NXPE2: variants seen among roughly 807,000 people sequenced by gnomAD.
The protein encoded by NXPE2 is neurexophilin and PC-esterase domain family member 2, also known as NXPE family member 2.
NXPE2 carries 34 observed loss-of-function variants against 34.4 expected under a neutral mutation model. That is an observed-to-expected ratio of 0.99 (90% confidence interval 0.75 to 1.31). NXPE2 has a LOEUF of 1.31. NXPE2 is among the 40% of genes most tolerant of loss of function. The pLI is 0.00. For missense variants in NXPE2, 649 were observed against 672.5 expected, an observed-to-expected ratio of 0.97 and a Z score of 0.39; for synonymous variants, 235 against 231.3, an observed-to-expected ratio of 1.02 and a Z score of -0.15.
chr11:114,770,131 G>A, the NXPE2 span, among the ~76,000 whole-genome samples: 2 of 152,112 alleles, frequency 1.3e-5, no homozygotes, highest in Non-Finnish European at 2.9e-5. Flanking sequence ...ATCTTTCCTT[G>A]GCCAAACTAA....
At chr11:114,726,528 T>A in the NXPE2 span, among the ~76,000 whole-genome samples, 1 of 152,090 alleles carries the variant, frequency 6.6e-6, no homozygotes, top group African/African-American at 2.4e-5. Flanking sequence ...CCTTACTAAG[T>A]GCTCAGTCTG....
chr11:114,701,592 G>A (rs1166642977), intron 3 of NXPE2, among the ~76,000 whole-genome samples: 1 of 152,150 alleles, frequency 6.6e-6, no homozygotes, highest in Admixed American at 6.5e-5. Context: ...GTGATGTAGT[G>A]CATGTGCAAG....
At chr11:114,621,490 T>C in the NXPE2 span, among the ~76,000 whole-genome samples, 3 of 152,326 alleles carry the variant, frequency 2.0e-5, no homozygotes, top group African/African-American at 4.8e-5. Context: ...TAACCTCTAT[T>C]ACTCATTGGA....
the NXPE2 span, among the ~76,000 whole-genome samples, chr11:114,613,719 TAA>T: frequency 6.6e-6 from 1 of 152,042 alleles, no homozygotes; most frequent in East Asian, 1.9e-4. Context: ...CAGCAGGTAA[TAA>T]GTGTTGTCTC....
the NXPE2 span, among the ~76,000 whole-genome samples, chr11:114,542,323 T>C: frequency 1.3e-5 from 2 of 152,208 alleles, no homozygotes; most frequent in Non-Finnish European, 2.9e-5. Flanking sequence ...AGGCAAGTTC[T>C]AATGAAAACA....
chr11:114,547,562 C>T, the NXPE2 span, among the ~76,000 whole-genome samples: 4 of 152,032 alleles, frequency 2.6e-5, no homozygotes, highest in South Asian at 8.3e-4. Flanking sequence ...TGGTGAAACG[C>T]ATCTCTCCCA....
the NXPE2 span, among the ~76,000 whole-genome samples, chr11:114,549,389 C>G: frequency 3.0e-3 from 455 of 152,000 alleles, 3 homozygotes; most frequent in African/African-American, 0.011. Flanking sequence ...GAACATTACA[C>G]AAAAATAATA....
At chr11:114,742,095 A>G in the NXPE2 span, among the ~76,000 whole-genome samples, 1 of 152,184 alleles carries the variant, frequency 6.6e-6, no homozygotes, top group Admixed American at 6.5e-5. Context: ...CAATCCTGCA[A>G]AGCCAGGCTG....
the NXPE2 span, chr11:114,513,227 G>A: frequency 1.7e-4 from 91 of 529,220 alleles, no homozygotes; most frequent in African/African-American, 1.2e-3. Flanking sequence ...CCTGTAGTGC[G>A]TGTCTCGAGG....
the NXPE2 span, among the ~76,000 whole-genome samples, chr11:114,600,354 C>T: frequency 0.14 from 21,546 of 151,950 alleles, 1,901 homozygotes; most frequent in East Asian, 0.37. Context: ...CAAATTGAAA[C>T]AAAAATAGTT....
the NXPE2 span, among the ~76,000 whole-genome samples, chr11:114,622,778 C>A: frequency 6.6e-6 from 1 of 152,098 alleles, no homozygotes; most frequent in Admixed American, 6.6e-5. Context: ...TGGGTAATCA[C>A]TGCTGCCTTG....
the NXPE2 span, among the ~76,000 whole-genome samples, chr11:114,637,877 C>T: frequency 3.3e-5 from 5 of 151,976 alleles, no homozygotes; most frequent in Admixed American, 6.6e-5. Flanking sequence ...CCCGACCTTT[C>T]TCTCTGGCTG....
chr11:114,687,810 T>C, intron 2 of NXPE2, among the ~76,000 whole-genome samples: 1 of 152,048 alleles, frequency 6.6e-6, no homozygotes, highest in East Asian at 1.9e-4. Flanking sequence ...TAGAGATCTT[T>C]CACCTCCTTG....
At chr11:114,640,263 T>C in the NXPE2 span, among the ~76,000 whole-genome samples, 1 of 143,408 alleles carries the variant, frequency 7.0e-6, no homozygotes, top group South Asian at 2.1e-4. Context: ...AAATATATAG[T>C]ATATAATATA....
chr11:114,523,163 C>A, the NXPE2 span: 1 of 1,089,842 alleles, frequency 9.2e-7, no homozygotes, highest in Non-Finnish European at 1.4e-6. Flanking sequence ...CCTGGTCTTT[C>A]ATTTTCTTGC....
chr11:114,706,288 T>C (rs1951471257), intron 5 of NXPE2, 107 bp from the exon 6 acceptor site: 1 of 925,766 alleles, frequency 1.1e-6, no homozygotes, highest in African/African-American at 1.7e-5. Context: ...TAGGCAATAG[T>C]GCTTAGTTAG....
the NXPE2 span, among the ~76,000 whole-genome samples, chr11:114,766,983 GA>G: frequency 0.012 from 1,735 of 148,722 alleles, 21 homozygotes; most frequent in African/African-American, 0.013. Flanking sequence ...TGAAATTTCT[GA>G]AAAAAAAAAT....
At chr11:114,581,505 TAGAC>T in the NXPE2 span, among the ~76,000 whole-genome samples, 2 of 152,168 alleles carry the variant, frequency 1.3e-5, no homozygotes, top group Non-Finnish European at 2.9e-5. Context: ...GACTGACAAA[TAGAC>T]TGATGATGAG....
At chr11:114,698,903 T>C (rs1033998665) in intron 3 of NXPE2, 125 bp downstream of exon 3, 9 of 919,510 alleles carry the variant, frequency 9.8e-6, no homozygotes, top group African/African-American at 1.7e-5. Context: ...AATTAGGTCC[T>C]CAGAGTCAGT....
Sources: allele counts gnomAD v4.1 joint callset (sites outside exome capture counted in the v4.1 genomes callset), GRCh38; gene constraint gnomAD v4.1.1; transcripts MANE v1.5; gene names NCBI Gene and HGNC (gene_info 2026-07-23, HGNC 2026-07-21).